Variants in CSMD1 observed in about 807,000 individuals in gnomAD.
The protein encoded by CSMD1 is CUB and Sushi multiple domains 1.
A neutral mutation model predicts 417.5 loss-of-function variants in CSMD1; 213 were observed. The observed-to-expected ratio is 0.51, with a 90% CI of 0.46 to 0.57. The LOEUF is 0.57. Among genes scored for constraint, CSMD1 ranks in the 20% least tolerant of loss-of-function variants. The pLI is 0.00. For synonymous variants in CSMD1, 2,862 were observed against 1,736.8 expected, an observed-to-expected ratio of 1.65 and a Z score of -16.11; for missense variants, 6,923 against 4,529.7, an observed-to-expected ratio of 1.53 and a Z score of -15.17.
chr8:4,181,410 T>A (rs1490302461), intron 3 of CSMD1, among the ~76,000 whole-genome samples: 1 of 151,942 alleles, frequency 6.6e-6, no homozygotes, highest in East Asian at 1.9e-4. Context: ...GGTTCTCCAA[T>A]CTTTTGGCTT....
intron 5 of CSMD1, among the ~76,000 whole-genome samples, chr8:3,996,008 T>G (rs763590096): frequency 8.5e-5 from 13 of 152,196 alleles, no homozygotes; most frequent in African/African-American, 1.2e-4. Flanking sequence ...GCTGATACTC[T>G]CTATGACAAG....
intron 1 of CSMD1, among the ~76,000 whole-genome samples, chr8:4,914,228 C>T (rs182127924): frequency 6.6e-6 from 1 of 152,090 alleles, no homozygotes; most frequent in Non-Finnish European, 1.5e-5. Flanking sequence ...TGTTACAAAG[C>T]TATGGAATTA....
intron 1 of CSMD1, among the ~76,000 whole-genome samples, chr8:4,817,013 G>C (rs1247774825): frequency 2.0e-5 from 3 of 152,196 alleles, no homozygotes; most frequent in Non-Finnish European, 4.4e-5. Context: ...AGAGGGCTCA[G>C]AGGCTCCTGG....
chr8:3,744,548 A>C (rs753530614), intron 6 of CSMD1, among the ~76,000 whole-genome samples: 1 of 152,222 alleles, frequency 6.6e-6, no homozygotes, highest in Non-Finnish European at 1.5e-5. Context: ...CTTTATTTTC[A>C]TGTCAGACTC....
At chr8:4,374,666 G>A (rs1802607202) in intron 3 of CSMD1, among the ~76,000 whole-genome samples, 1 of 152,082 alleles carries the variant, frequency 6.6e-6, no homozygotes, top group Admixed American at 6.5e-5. Flanking sequence ...TGAGTAGACG[G>A]CTAGATTATA....
intron 5 of CSMD1, among the ~76,000 whole-genome samples, chr8:3,912,842 G>C (rs530025395): frequency 2.0e-5 from 3 of 152,188 alleles, no homozygotes; most frequent in Non-Finnish European, 2.9e-5. Flanking sequence ...ATATTCTGTT[G>C]AGAGTTCTGG....
intron 1 of CSMD1, among the ~76,000 whole-genome samples, chr8:4,744,759 C>T (rs544919686): frequency 6.6e-6 from 1 of 152,166 alleles, no homozygotes; most frequent in South Asian, 2.1e-4. Context: ...AGCTAGGGTT[C>T]TTGTTCACTG....
At chr8:4,325,204 A>G (rs1799493004) in intron 3 of CSMD1, among the ~76,000 whole-genome samples, 1 of 152,176 alleles carries the variant, frequency 6.6e-6, no homozygotes, top group African/African-American at 2.4e-5. Flanking sequence ...ATGAAAACAG[A>G]TGATACATTT....
At chr8:3,058,301 A>C (rs1812368853) in intron 49 of CSMD1, among the ~76,000 whole-genome samples, 1 of 152,244 alleles carries the variant, frequency 6.6e-6, no homozygotes, top group Admixed American at 6.5e-5. Context: ...CTTTAAAAAT[A>C]AATATCAATG....
chr8:3,586,302 C>G (rs7826399), intron 8 of CSMD1, 42 bp from the exon 9 acceptor site: 1 of 1,504,162 alleles, frequency 6.6e-7, no homozygotes, highest in Non-Finnish European at 8.8e-7. Flanking sequence ...AAATTATTTA[C>G]AGAAGACTTC....
chr8:4,789,981 T>A (rs1407446427), intron 1 of CSMD1, among the ~76,000 whole-genome samples: 4 of 152,204 alleles, frequency 2.6e-5, no homozygotes, highest in African/African-American at 9.7e-5. Flanking sequence ...CTCTCTTCCC[T>A]TCATGTGCAA....
intron 36 of CSMD1, among the ~76,000 whole-genome samples, chr8:3,187,340 A>G (rs935980830): frequency 1.3e-5 from 2 of 152,170 alleles, no homozygotes; most frequent in Admixed American, 6.5e-5. Flanking sequence ...CTTGCAGGGC[A>G]TTTGGAGAGC....
chr8:4,463,047 A>G (rs1227323822), intron 2 of CSMD1, among the ~76,000 whole-genome samples: 1 of 152,210 alleles, frequency 6.6e-6, no homozygotes, highest in Admixed American at 6.5e-5. Context: ...TATATAAAAT[A>G]TAAATAACTT....
chr8:3,997,443 C>T (rs2627445), intron 5 of CSMD1, among the ~76,000 whole-genome samples: 1 of 152,140 alleles, frequency 6.6e-6, no homozygotes, highest in Non-Finnish European at 1.5e-5. Context: ...TAGCCACGGG[C>T]ACTTCCCCAC....
intron 46 of CSMD1, among the ~76,000 whole-genome samples, chr8:3,099,228 C>G (rs549331249): frequency 2.0e-5 from 3 of 152,088 alleles, no homozygotes; most frequent in African/African-American, 7.2e-5. Flanking sequence ...AGAGGGAGGT[C>G]GTGGGAAGCA....
chr8:4,831,302 G>C (rs543886520), intron 1 of CSMD1, among the ~76,000 whole-genome samples: 97 of 152,218 alleles, frequency 6.4e-4, no homozygotes, highest in African/African-American at 2.2e-3. Flanking sequence ...CTTTACTTTG[G>C]ATCACATCTT....
In CSMD1 at chr8:3,468,778, G is replaced by C; in HGVS notation, c.1495C>G (p.Gln499Glu). ...VPDLIVSMSNQMWLHLQSDDS... is the reference protein window; with the variant it reads ...VPDLIVSMSNEMWLHLQSDDS... ...TCCGACTGCAGATGTAGCCACATCT[G>C]GTTGCTCATGCTCACAATGAGGTCA... The change falls in exon 12 of 70, where the codon CAG becomes GAG. Residue 499 changes from glutamine to glutamate, a missense_variant. Gln to Glu is a conservative substitution (Grantham distance 29). Transcript: ENST00000635120. 6.2e-7 allele frequency: 1 copy of C among 1,605,774 alleles called. No individual in the cohort carries two copies. The highest frequency in any genetic ancestry group is 8.5e-7 in the Non-Finnish European group (1 of 1,176,264).
At chr8:4,065,830 G>T (rs906143542) in intron 3 of CSMD1, among the ~76,000 whole-genome samples, 1 of 152,014 alleles carries the variant, frequency 6.6e-6, no homozygotes, top group African/African-American at 2.4e-5. Context: ...TCTTTTTTTG[G>T]AATATATTTT....
chr8:3,516,629 T>C (rs1229710321), intron 10 of CSMD1, among the ~76,000 whole-genome samples: 1 of 152,196 alleles, frequency 6.6e-6, no homozygotes, highest in Non-Finnish European at 1.5e-5. Context: ...GTTGTTATTG[T>C]TTTTAATTTT....
Sources: gnomAD v4.1 joint callset for allele counts (sites outside exome capture counted in the v4.1 genomes callset) on GRCh38, gnomAD v4.1.1 for gene constraint, MANE v1.5 for transcripts, NCBI Gene and HGNC (gene_info 2026-07-23, HGNC 2026-07-21) for gene names.